GCN1: variants seen among roughly 807,000 people sequenced by gnomAD.
GCN1 encodes GCN1 activator of EIF2AK4.
In GCN1, 90 loss-of-function variants were observed where a neutral mutation model predicts 288.4. The ratio of observed to expected loss-of-function variants is 0.31; its 90% CI spans 0.26 to 0.37. The LOEUF is 0.37. Ranked by LOEUF, GCN1 falls within the 10% of genes least tolerant of loss-of-function variation. The pLI, the probability that GCN1 is intolerant of heterozygous loss-of-function variation, is 1.00. For synonymous variants in GCN1, 1,386 were observed against 1,420.2 expected (o/e 0.98, Z 0.54); for missense variants, 2,586 against 3,419.9 (o/e 0.76, Z 6.08).
Position 120,137,633 on chromosome 12 carries a change from C to T in GCN1, c.6575G>A (p.Ser2192Asn). Residue 2192 changes from serine (S) to asparagine (N), a missense_variant, in exon 49 of 58, where the codon AGC becomes AAC. Physicochemically the swap from Ser to Asn is conservative, Grantham distance 46. This residue lies in a region of GCN1 where 437 missense variants were observed against 570.5 expected (regional missense o/e 0.77). Transcript: ENST00000300648. This position sits in a 1 kb window ranked among gnomAD's most constrained non-coding sequence, Gnocchi z 5.2. ...SKADYTSHLR[S>N]LVSGLIRLFN... ...GAGGCGGATCAGGCCCGAGACCAGGCTCCGCAGGTGGCTGGTGTAGTCAGC... is the reference window on the plus strand; with the variant it reads ...GAGGCGGATCAGGCCCGAGACCAGGTTCCGCAGGTGGCTGGTGTAGTCAGC... 1 of 1,614,150 alleles carries T rather than the reference C, an allele frequency of 6.2e-7. No individual in the cohort carries two copies. The highest frequency in any genetic ancestry group is 1.3e-5 in the African/African-American group (1 of 75,064).
At chr12:120,181,483 AAAAG>A (rs1435663814) in intron 5 of GCN1, among the ~76,000 whole-genome samples, 14 of 145,430 alleles carry the variant, frequency 9.6e-5, no homozygotes, top group African/African-American at 3.5e-4. Context: ...AAAAAAAAAA[AAAAG>A]AAGTCTGCAG....
Position 120,141,009 on chromosome 12 carries a change from T to C in GCN1, c.5844A>G (p.Thr1948=). 6.2e-7 allele frequency: 1 copy of C among 1,613,292 alleles called. No individual in the cohort carries two copies. The highest frequency in any genetic ancestry group is 8.5e-7 in the Non-Finnish European group (1 of 1,179,536). The change falls in exon 45 of 58, where the codon ACA becomes ACG. Residue 1948 remains threonine, a synonymous_variant. Coordinates refer to ENST00000300648, the MANE Select transcript of GCN1 (RefSeq NM_006836.2). ...CTAACTTCCGCACAAGATCTCCCAA[T>C]GTTCTCGCTGCAATCTGTCAACAGA... The part of the protein sequence containing the change: ...CADKRTIAAR[T]LGDLVRKLGE...
Position 120,137,814 on chromosome 12 carries a change from C to A in GCN1, c.6394G>T (p.Glu2132Ter). 6.2e-7 allele frequency: 1 copy of A among 1,613,464 alleles called. No homozygotes were observed. Among genetic ancestry groups the A allele is most frequent in the Non-Finnish European group, 8.5e-7 (1 of 1,179,358 alleles). ...ATCACAGCCTGACAATTGGCCATCT[C>A]CTGCAAACCACAAGGGACATGTGTG... ...EKLGTPDEQL[E>*]MANCQAVILS... Residue 2132 changes from glutamate to a stop codon, truncating the protein, a stop_gained and splice_region_variant, in exon 49 of 58, where the codon GAG becomes TAG. Transcript: ENST00000300648. LOFTEE classifies it high-confidence loss of function. The surrounding 1 kb of genome is among the most constrained non-coding windows in gnomAD (Gnocchi z 5.2).
chr12:120,175,070 T>C, intron 12 of GCN1, 92 bp downstream of exon 12: 1 of 1,095,098 alleles, frequency 9.1e-7, no homozygotes, highest in Non-Finnish European at 1.3e-6. Flanking sequence ...GAGGTTGCAG[T>C]GAGCTGAGAT....
rs530255562 is a variant in GCN1, at chr12:120,182,311, G to T, written c.426+1258C>A. 2.6e-5 allele frequency among the ~76,000 whole-genome samples: 4 copies of T among 152,244 alleles called. No homozygotes were observed. The South Asian group carries it at 6.2e-4, about 24-fold the overall frequency. ...CAATACGTAATCCTTGACCCTCAAGGTTTCAGCATTCTAATCCATCATCAA... is the reference window on the plus strand; with the variant it reads ...CAATACGTAATCCTTGACCCTCAAGTTTTCAGCATTCTAATCCATCATCAA... On this transcript the variant is annotated intron_variant, in intron 5 of 57. Transcript: ENST00000300648.
intron 55 of GCN1, 89 bp from the exon 56 acceptor site, chr12:120,130,842 C>T (rs1018198013): frequency 2.7e-6 from 2 of 749,230 alleles, no homozygotes; most frequent in Admixed American, 4.4e-5. Context: ...CTCCAGGACC[C>T]TCCACTACAT....
chr12:120,168,776 T>C (rs1463280046), intron 15 of GCN1, among the ~76,000 whole-genome samples: 12 of 152,204 alleles, frequency 7.9e-5, no homozygotes, highest in Non-Finnish European at 1.5e-4. Flanking sequence ...TGCCGCATTT[T>C]GTCTTAAGCT....
At position 120,136,735 on chromosome 12, in the gene GCN1, G is replaced by C; in HGVS notation, c.6778-3C>G. 2 of 1,608,704 alleles carry C rather than the reference G, an allele frequency of 1.2e-6. No individual in the cohort carries two copies. The highest frequency in any genetic ancestry group is 1.1e-5 in the South Asian group (1 of 90,964). Reference sequence around the variant, plus strand: ...ACTGGAAGGATGGAGGTCACTCCCTGACAAGAGAACCACAACTGAGAGTCA... The same window carrying C: ...ACTGGAAGGATGGAGGTCACTCCCTCACAAGAGAACCACAACTGAGAGTCA... On this transcript the variant is annotated splice_polypyrimidine_tract_variant and splice_region_variant and intron_variant, in intron 50 of 57. Coordinates refer to ENST00000300648, the MANE Select transcript of GCN1 (RefSeq NM_006836.2).
chr12:120,131,418 G>A lies in GCN1; in HGVS notation c.7415-85C>T, dbSNP rs1430827828. 7 of 1,348,796 alleles carry A rather than the reference G, an allele frequency of 5.2e-6. No homozygotes were observed. In the Admixed American group the frequency reaches 1.2e-4, roughly 24 times the overall value. 83.6% of individuals were successfully genotyped at this position (1,348,796 alleles called of 1,614,324 possible). A position where few individuals can be genotyped will look rare whatever the true frequency, so the allele number is the denominator to read the frequency against. ...TGAGGCCCATGGGCCCACCCCGCTG[G>A]AGACCAGTGTGCTGACCCAGAGCAC... On this transcript the variant is annotated intron_variant, in intron 54 of 57. Coordinates refer to ENST00000300648, the MANE Select transcript of GCN1 (RefSeq NM_006836.2).
intron 5 of GCN1, 117 bp from the exon 6 acceptor site, chr12:120,179,067 C>T: frequency 1.3e-6 from 1 of 766,594 alleles, no homozygotes; most frequent in South Asian, 1.6e-5. Context: ...CATCTCCACT[C>T]AGCCTCTCCC....
chr12:120,138,856 C>A lies in GCN1; in HGVS notation c.5995G>T (p.Val1999Leu). 6.2e-7 allele frequency: 1 copy of A among 1,606,636 alleles called. No individual in the cohort carries two copies. The highest frequency in any genetic ancestry group is 8.5e-7 in the Non-Finnish European group (1 of 1,174,910). ...ACGAGGGATTCAGAGAAATACAGCA[C>A]CTGCAATGGCAAGCTACAACTGTAC... ...EIMKSTSRDA[V>L]LYFSESLVPT... The change falls in exon 46 of 58, where the codon GTG (valine) becomes TTG (leucine). Residue 1999 changes from valine to leucine, a missense_variant and splice_region_variant. Physicochemically the swap from Val to Leu is conservative, Grantham distance 32. Around this residue, in one of 8 missense-constraint regions of GCN1, gnomAD observed 437 missense variants for 570.5 expected, o/e 0.77. Transcript: ENST00000300648.
At position 120,182,985 on chromosome 12, in the gene GCN1, C is replaced by T. The variant is rs866110677; in HGVS notation, c.426+584G>A. On this transcript the variant is annotated intron_variant, in intron 5 of 57. Coordinates refer to ENST00000300648, the MANE Select transcript of GCN1 (RefSeq NM_006836.2). The stretch of plus-strand genomic sequence containing the variant: ...TCATGACCTACACTAAAAAACCACT[C>T]CTCATGACCTACACTAAGCCTACCC... Among the ~76,000 whole-genome samples the T allele has an allele frequency of 5.9e-5, 9 of 151,752 alleles. No individual in the cohort carries two copies. In the Middle Eastern group the frequency reaches 0.01, roughly 173 times the overall value.
At position 120,158,697 on chromosome 12, in the gene GCN1, G is replaced by T; in HGVS notation, c.2750-82C>A. 8.5e-7 allele frequency: 1 copy of T among 1,179,644 alleles called. No homozygotes were observed. Among genetic ancestry groups the T allele is most frequent in the Non-Finnish European group, 1.2e-6 (1 of 842,156 alleles). The allele number at this position is 1,179,644 out of a possible 1,614,324, so 73.1% of individuals were successfully genotyped here. On this transcript the variant is annotated intron_variant, in intron 24 of 57. Coordinates refer to ENST00000300648, the MANE Select transcript of GCN1 (RefSeq NM_006836.2). The surrounding 1 kb of genome is among the most constrained non-coding windows in gnomAD (Gnocchi z 4.3). Reference sequence around the variant, plus strand: ...CCCAGGCTAAAACAGGGGACCCAGTGCCTCATCCTTCTGACTTAAAAAAAT... The same window carrying T: ...CCCAGGCTAAAACAGGGGACCCAGTTCCTCATCCTTCTGACTTAAAAAAAT...
rs768928169 is a variant in GCN1 at position 120,130,751 on chromosome 12, G to A, written c.7566C>T (p.Ile2522=). The A allele has an allele frequency of 6.2e-7, 1 of 1,604,922 alleles. No homozygotes were observed. The highest frequency in any genetic ancestry group is 8.5e-7 in the Non-Finnish European group (1 of 1,171,952). ...MILSSATADR[I]PIAVSGVRGM... ...CCCGGACCCCGCTCACCGCAATGGGGATCTGTGGAGAACAGACAGCGCTAG... is the reference window on the plus strand; with the variant it reads ...CCCGGACCCCGCTCACCGCAATGGGAATCTGTGGAGAACAGACAGCGCTAG... The change falls in exon 56 of 58, where the codon ATC becomes ATT. Residue 2522 remains isoleucine, a splice_region_variant and synonymous_variant. Transcript: ENST00000300648.
chr12:120,173,719 T>A lies in GCN1; in HGVS notation c.1300A>T (p.Ser434Cys). Residue 434 changes from serine (S) to cysteine (C), a missense_variant, in exon 14 of 58, where the codon AGC becomes TGC. Physicochemically the swap from Ser to Cys is moderately radical, Grantham distance 112. Around this residue, in one of 8 missense-constraint regions of GCN1, gnomAD observed 913 missense variants for 1,107.0 expected, o/e 0.82. Transcript: ENST00000300648. ...KLTEWFKKAF[S>C]LKTSTSAVRH... is the part of the protein sequence containing the mutation. ...ACCGCAGATGTGGAGGTTTTAAGGC[T>A]GAAAGCTTTTTTGAACCATTCAGTG... 6.2e-7 allele frequency: 1 copy of A among 1,613,296 alleles called. No individual in the cohort carries two copies. Among genetic ancestry groups the A allele is most frequent in the Non-Finnish European group, 8.5e-7 (1 of 1,179,202 alleles).
At position 120,142,425 on chromosome 12, in the gene GCN1, C is replaced by G. The variant is rs1484233223; in HGVS notation, c.5829+82G>C. 1.0e-6 allele frequency: 1 copy of G among 980,308 alleles called. No homozygotes were observed. Among genetic ancestry groups the G allele is most frequent in the Non-Finnish European group, 1.6e-6 (1 of 612,114 alleles). The allele number at this position is 980,308 out of a possible 1,614,324, so 60.7% of individuals were successfully genotyped here. On this transcript the variant is annotated intron_variant, in intron 44 of 57. Coordinates refer to ENST00000300648, the MANE Select transcript of GCN1 (RefSeq NM_006836.2). This position sits in a 1 kb window ranked among gnomAD's most constrained non-coding sequence, Gnocchi z 4.9. ...TTAGGCAGGGTGGATGGGTACTTTCCCAGGCTCTGCAGACCCAGCCTTCTA... is the reference window on the plus strand; with the variant it reads ...TTAGGCAGGGTGGATGGGTACTTTCGCAGGCTCTGCAGACCCAGCCTTCTA...
At chr12:120,138,950 T>C in intron 45 of GCN1, 94 bp from the exon 46 acceptor site, 2 of 1,006,878 alleles carry the variant, frequency 2.0e-6, no homozygotes, top group Non-Finnish European at 2.9e-6. Flanking sequence ...CTGACCCAGC[T>C]AGGCCACCCT....
chr12:120,132,129 G>T, intron 53 of GCN1, 107 bp from the exon 54 acceptor site: 1 of 724,310 alleles, frequency 1.4e-6, no homozygotes. Context: ...CAAAGAAGGT[G>T]GAAAAGCCAA....
intron 33 of GCN1, among the ~76,000 whole-genome samples, chr12:120,152,635 G>A (rs1332940249): frequency 8.3e-5 from 10 of 121,094 alleles, no homozygotes; most frequent in Non-Finnish European, 1.0e-4. Context: ...ACACACACAC[G>A]CGCACACACA....
Sources: gnomAD v4.1 joint callset for allele counts (sites outside exome capture counted in the v4.1 genomes callset) on GRCh38, gnomAD v4.1.1 for gene constraint, gnomAD v4.1.1 regional missense constraint, Gnocchi (gnomAD v3.1) non-coding constraint, MANE v1.5 for transcripts, NCBI Gene and HGNC (gene_info 2026-07-23, HGNC 2026-07-21) for gene names.